The following KSR2 variants were observed in gnomAD, a reference collection of about 807,000 sequenced individuals.
KSR2 encodes kinase suppressor of ras 2.
KSR2 carries 25 observed loss-of-function variants against 107.8 expected under a neutral mutation model. That is an observed-to-expected ratio of 0.23 (90% CI 0.17 to 0.32). KSR2 has a LOEUF of 0.32. Ranked by LOEUF, KSR2 falls within the 10% of genes least tolerant of loss-of-function variation. The pLI, the probability that KSR2 is intolerant of heterozygous loss-of-function variation, is 1.00. For synonymous variants in KSR2, 480 were observed against 507.0 expected (o/e 0.95, Z 0.71); for missense variants, 887 against 1,268.9 (o/e 0.70, Z 4.57).
intron 4 of KSR2, among the ~76,000 whole-genome samples, chr12:117,688,427 C>A: frequency 6.6e-6 from 1 of 152,170 alleles, no homozygotes; most frequent in East Asian, 1.9e-4. Flanking sequence ...GACTAAGTAC[C>A]CGCAACTCAA....
intron 5 of KSR2, among the ~76,000 whole-genome samples, chr12:117,640,064 G>A (rs1883287568): frequency 6.6e-6 from 1 of 151,776 alleles, no homozygotes; most frequent in African/African-American, 2.4e-5. Context: ...TGCACAGCAA[G>A]GGGTGGCAGA....
chr12:117,661,488 A>G (rs1239954824), intron 5 of KSR2, among the ~76,000 whole-genome samples: 1 of 152,208 alleles, frequency 6.6e-6, no homozygotes, highest in Non-Finnish European at 1.5e-5. Context: ...AATGTTAAAA[A>G]CCAGTGAATC....
At chr12:117,837,038 G>A (rs1394966427) in intron 3 of KSR2, among the ~76,000 whole-genome samples, 2 of 152,160 alleles carry the variant, frequency 1.3e-5, no homozygotes, top group Admixed American at 6.5e-5. Flanking sequence ...TTGCAGTGTG[G>A]CAGGGAGACC....
chr12:117,760,401 T>C (rs1477971216), intron 4 of KSR2, among the ~76,000 whole-genome samples: 1 of 152,234 alleles, frequency 6.6e-6, no homozygotes, highest in African/African-American at 2.4e-5. Context: ...CTTTGTATTT[T>C]AAAAAATGCA....
intron 2 of KSR2, 131 bp downstream of exon 2, chr12:117,860,160 C>T: frequency 1.1e-6 from 1 of 893,822 alleles, no homozygotes; most frequent in Non-Finnish European, 1.7e-6. Flanking sequence ...TCGTCCAGCA[C>T]ATATTTATTG....
At chr12:117,531,581 C>A (rs1350460913) in intron 11 of KSR2, 85 bp downstream of exon 11, 1 of 1,181,082 alleles carries the variant, frequency 8.5e-7, no homozygotes, top group Non-Finnish European at 1.2e-6. Flanking sequence ...ACCCCCACAA[C>A]ATCTGCCTCC....
At chr12:117,727,349 T>C (rs1214255579) in intron 4 of KSR2, among the ~76,000 whole-genome samples, 2 of 151,666 alleles carry the variant, frequency 1.3e-5, no homozygotes, top group African/African-American at 4.9e-5. Flanking sequence ...CACTCCAGCC[T>C]GGGTGACAGA....
intron 9 of KSR2, among the ~76,000 whole-genome samples, chr12:117,540,394 C>A (rs1374459843): frequency 6.6e-6 from 1 of 152,146 alleles, no homozygotes; most frequent in African/African-American, 2.4e-5. Context: ...GAGAGAGAAT[C>A]CATGTGTGCA....
chr12:117,593,675 C>A (rs1023737354), intron 5 of KSR2, among the ~76,000 whole-genome samples: 1 of 152,208 alleles, frequency 6.6e-6, no homozygotes, highest in African/African-American at 2.4e-5. Flanking sequence ...GCAATGAAAT[C>A]CATCTTGCAG....
chr12:117,931,319 C>A (rs1469609903), intron 1 of KSR2, among the ~76,000 whole-genome samples: 10 of 152,146 alleles, frequency 6.6e-5, no homozygotes, highest in Non-Finnish European at 2.9e-5. Flanking sequence ...TTTTAACTAT[C>A]TCAGCCATTT....
chr12:117,849,281 A>G (rs1892831816), intron 3 of KSR2, among the ~76,000 whole-genome samples: 1 of 152,208 alleles, frequency 6.6e-6, no homozygotes, highest in Non-Finnish European at 1.5e-5. Flanking sequence ...TCATTAAGAC[A>G]ATAATTCATT....
intron 4 of KSR2, among the ~76,000 whole-genome samples, chr12:117,736,824 A>G (rs1887962461): frequency 1.4e-5 from 2 of 145,042 alleles, no homozygotes; most frequent in African/African-American, 5.1e-5. Context: ...AAAAAAAAAA[A>G]AAAGAAAAGA....
intron 4 of KSR2, among the ~76,000 whole-genome samples, chr12:117,747,375 T>C (rs1420735994): frequency 2.0e-5 from 3 of 149,810 alleles, no homozygotes; most frequent in South Asian, 2.2e-4. Flanking sequence ...TACGTGGGAG[T>C]TGAACAATGA....
chr12:117,932,377 C>A (rs529637680), intron 1 of KSR2, among the ~76,000 whole-genome samples: 15 of 152,178 alleles, frequency 9.9e-5, no homozygotes, highest in African/African-American at 2.6e-4. Context: ...GAAGCACAGG[C>A]CAGACAAATT....
chr12:117,565,743 T>C (rs139023985), intron 7 of KSR2, among the ~76,000 whole-genome samples: 1 of 152,356 alleles, frequency 6.6e-6, no homozygotes, highest in Non-Finnish European at 1.5e-5. Context: ...ATCTAATACA[T>C]TCATTTTGCT....
At position 117,895,958 on chromosome 12, in the gene KSR2, C is replaced by G. The variant is rs1894498057; in HGVS notation, c.181-35527G>C. 3.3e-5 allele frequency among the ~76,000 whole-genome samples: 5 copies of G among 152,314 alleles called. No individual in the cohort carries two copies. The South Asian group carries it at 1.0e-3, about 32-fold the overall frequency. On this transcript the variant is annotated intron_variant, in intron 1 of 19. Coordinates refer to ENST00000339824, the MANE Select transcript of KSR2 (RefSeq NM_173598.6). Reference sequence around the variant, plus strand: ...CCTTTAATCTCAGCTACTCCAGTGGCTGAGGCAGGAGAATCACTTGAACCC... The same window carrying G: ...CCTTTAATCTCAGCTACTCCAGTGGGTGAGGCAGGAGAATCACTTGAACCC...
intron 1 of KSR2, among the ~76,000 whole-genome samples, chr12:117,913,551 G>T (rs1028081389): frequency 6.6e-6 from 1 of 152,142 alleles, no homozygotes; most frequent in African/African-American, 2.4e-5. Flanking sequence ...ATCCAATGAA[G>T]GCATCCTTGT....
intron 7 of KSR2, among the ~76,000 whole-genome samples, chr12:117,578,056 G>T (rs540533968): frequency 3.3e-5 from 5 of 152,250 alleles, no homozygotes; most frequent in East Asian, 3.9e-4. Flanking sequence ...TTGAATGGGG[G>T]TGTGGAAGAG....
chr12:117,887,001 G>A (rs1180721162), intron 1 of KSR2, among the ~76,000 whole-genome samples: 3 of 152,128 alleles, frequency 2.0e-5, no homozygotes, highest in African/African-American at 7.2e-5. Flanking sequence ...ATGGCTCGCT[G>A]CAGCCTCGAC....
Sources: allele counts gnomAD v4.1 joint callset (sites outside exome capture counted in the v4.1 genomes callset), GRCh38; gene constraint gnomAD v4.1.1; transcripts MANE v1.5; gene names NCBI Gene and HGNC (gene_info 2026-07-23, HGNC 2026-07-21).